The following PDCD5 variants were observed in gnomAD, a reference collection of about 807,000 sequenced individuals.
The protein encoded by PDCD5 is programmed cell death protein 5.
Under a neutral mutation model 21.9 loss-of-function variants are expected in PDCD5, and 23 were observed. That is an observed-to-expected ratio of 1.05 (90% CI 0.76 to 1.49). PDCD5 has a LOEUF of 1.49. Among genes scored for constraint, PDCD5 ranks in the 40% most tolerant of loss-of-function variants. The probability of loss-of-function intolerance (pLI) is 0.00; values close to 1 mark genes in which losing one functional copy is unlikely to be tolerated. For missense variants in PDCD5, 152 were observed against 147.7 expected, an observed-to-expected ratio of 1.03 and a Z score of -0.15; for synonymous variants, 45 against 49.4, an observed-to-expected ratio of 0.91 and a Z score of 0.37.
At chr19:32,581,445 C>G in intron 1 of PDCD5, 118 bp downstream of exon 1, 1 of 561,456 alleles carries the variant, frequency 1.8e-6, no homozygotes, top group Non-Finnish European at 2.7e-6. Context: ...CGGTCCCCTG[C>G]GCTGCCCTGG....
At chr19:32,581,376 TCGCCCGG>T in intron 1 of PDCD5, 49 bp downstream of exon 1, 1 of 1,343,706 alleles carries the variant, frequency 7.4e-7, no homozygotes, top group Non-Finnish European at 9.9e-7. Flanking sequence ...GGCGCCGCCC[TCGCCCGG>T]AGTGTAGGGC....
chr19:32,585,842 GA>G lies in PDCD5; in HGVS notation c.199del (p.Thr67LeufsTer4). ...RLSNLALVKP[E>X]KTKAVENYLI... ...AAGTAACTTAGCACTTGTAAAGCCTGAAAAAACTAAAGCAGTAGAGAATTAC... is the reference window on the plus strand; with the variant it reads ...AAGTAACTTAGCACTTGTAAAGCCTGAAAAACTAAAGCAGTAGAGAATTAC... On this transcript the variant is annotated frameshift_variant, in exon 4 of 6. Coordinates refer to ENST00000590247, the MANE Select transcript of PDCD5 (RefSeq NM_004708.4). LOFTEE classifies it high-confidence loss of function. 1 of 1,607,658 alleles carries G rather than the reference GA, an allele frequency of 6.2e-7. No individual in the cohort carries two copies. Among genetic ancestry groups the G allele is most frequent in the Non-Finnish European group, 8.5e-7 (1 of 1,174,280 alleles).
At chr19:32,585,420 G>A (rs1252189318) in intron 3 of PDCD5, among the ~76,000 whole-genome samples, 1 of 152,162 alleles carries the variant, frequency 6.6e-6, no homozygotes, top group Non-Finnish European at 1.5e-5. Context: ...GAAAAAATGA[G>A]ACAGTCAGAA....
Position 32,587,358 on chromosome 19 carries a change from T to A in PDCD5, c.*58T>A. The A allele has an allele frequency of 8.6e-7, 1 of 1,168,590 alleles. No individual in the cohort carries two copies. The highest frequency in any genetic ancestry group is 1.3e-6 in the Non-Finnish European group (1 of 793,662). 72.4% of individuals were successfully genotyped at this position (1,168,590 alleles called of 1,614,324 possible). ...AACAAGTCTAGGACAGAAGTTAAGA[T>A]CTGATTATTTACTTTGTTTATTGTC... On this transcript the variant is annotated 3_prime_UTR_variant, in exon 6 of 6. Transcript: ENST00000590247.
intron 4 of PDCD5, chr19:32,586,505 C>T: frequency 9.1e-7 from 1 of 1,099,802 alleles, no homozygotes; most frequent in South Asian, 3.1e-5. Context: ...GTTTAAGCTT[C>T]TCGGGCAGAA....
Position 32,584,895 on chromosome 19 carries a change from A to G in PDCD5, c.105-55A>G, listed in dbSNP as rs371185134. ...GGATGGGTTCTTTCTCGTATGTTAC[A>G]TGGGAATGCCGACAGCTGTGTTTTA... On this transcript the variant is annotated intron_variant, in intron 2 of 5. Coordinates refer to ENST00000590247, the MANE Select transcript of PDCD5 (RefSeq NM_004708.4). 1.4e-5 allele frequency: 20 copies of G among 1,414,482 alleles called. No homozygotes were observed. In the African/African-American group the frequency reaches 1.7e-4, roughly 12 times the overall value. The allele number at this position is 1,414,482 out of a possible 1,614,324, so 87.6% of individuals were successfully genotyped here. A position where few individuals can be genotyped will look rare whatever the true frequency, so the allele number is the denominator to read the frequency against.
chr19:32,586,745 C>T (rs1962784631), intron 4 of PDCD5, 113 bp from the exon 5 acceptor site: 1 of 1,425,552 alleles, frequency 7.0e-7, no homozygotes, highest in African/African-American at 1.5e-5. Flanking sequence ...CCACTGCTTC[C>T]TTCCTGAGCT....
chr19:32,586,304 G>T, intron 4 of PDCD5: 2 of 1,357,386 alleles, frequency 1.5e-6, no homozygotes, highest in Admixed American at 3.3e-5. Flanking sequence ...ATACCATGAG[G>T]GGTATGTTGT....
At chr19:32,583,276 A>G (rs1227113732) in intron 2 of PDCD5, among the ~76,000 whole-genome samples, 1 of 152,006 alleles carries the variant, frequency 6.6e-6, no homozygotes, top group Non-Finnish European at 1.5e-5. Context: ...CCCTTACTGC[A>G]TGGCATATTT....
At chr19:32,582,153 C>G in intron 1 of PDCD5, 42 bp from the exon 2 acceptor site, 3 of 1,485,944 alleles carry the variant, frequency 2.0e-6, no homozygotes, top group Non-Finnish European at 1.9e-6. Flanking sequence ...CCCGCCGCCT[C>G]CCGTGAAATT....
intron 2 of PDCD5, among the ~76,000 whole-genome samples, chr19:32,582,941 G>A (rs1450615270): frequency 6.6e-6 from 1 of 152,158 alleles, no homozygotes; most frequent in Non-Finnish European, 1.5e-5. Context: ...GAAGACAGAC[G>A]GTGAGAAGTA....
Position 32,586,341 on chromosome 19 carries a change from C to G in PDCD5, c.258+434C>G, listed in dbSNP as rs1045539326. 1.3e-5 allele frequency: 16 copies of G among 1,278,884 alleles called. No individual in the cohort carries two copies. The Admixed American group carries it at 4.4e-4, about 35-fold the overall frequency. The allele number at this position is 1,278,884 out of a possible 1,614,324, so 79.2% of individuals were successfully genotyped here. A position where few individuals can be genotyped will look rare whatever the true frequency, so the allele number is the denominator to read the frequency against. Reference sequence around the variant, plus strand: ...GCAAACCTGGCCTTTGAGATCAAGACGAACCCCACCTGCCCTGAGAAGCCG... The same window carrying G: ...GCAAACCTGGCCTTTGAGATCAAGAGGAACCCCACCTGCCCTGAGAAGCCG... On this transcript the variant is annotated intron_variant, in intron 4 of 5. Coordinates refer to ENST00000590247, the MANE Select transcript of PDCD5 (RefSeq NM_004708.4).
At chr19:32,582,022 A>C (rs1971431963) in intron 1 of PDCD5, among the ~76,000 whole-genome samples, 173 bp from the exon 2 acceptor site, 2 of 152,214 alleles carry the variant, frequency 1.3e-5, no homozygotes, top group Non-Finnish European at 2.9e-5. Flanking sequence ...ACGTTCATCA[A>C]AACGTTGTAA....
chr19:32,581,366 G>T (rs932186160), intron 1 of PDCD5, 39 bp downstream of exon 1: 1 of 1,406,320 alleles, frequency 7.1e-7, no homozygotes, highest in Non-Finnish European at 9.4e-7. Context: ...GCCCTCGCGG[G>T]GCGCCGCCCT....
At chr19:32,583,011 C>G (rs1971443642) in intron 2 of PDCD5, among the ~76,000 whole-genome samples, 2 of 152,212 alleles carry the variant, frequency 1.3e-5, no homozygotes, top group South Asian at 4.1e-4. Context: ...CCGTGTACAT[C>G]TTTTCATTGT....
chr19:32,581,253 C>G lies in PDCD5; in HGVS notation c.-9C>G. The G allele has an allele frequency of 1.3e-6, 2 of 1,506,976 alleles. No homozygotes were observed. The highest frequency in any genetic ancestry group is 2.2e-4 in the Middle Eastern group (1 of 4,602). The allele number at this position is 1,506,976 out of a possible 1,614,324, so 93.4% of individuals were successfully genotyped here. A position where few individuals can be genotyped will look rare whatever the true frequency, so the allele number is the denominator to read the frequency against. On this transcript the variant is annotated 5_prime_UTR_variant, in exon 1 of 6. Transcript: ENST00000590247. ...GTGACCGCGGCTGCTCCAGCGCTGACGCCGAGCCATGGCGGACGAGGAGCT... is the reference window on the plus strand; with the variant it reads ...GTGACCGCGGCTGCTCCAGCGCTGAGGCCGAGCCATGGCGGACGAGGAGCT...
intron 3 of PDCD5, 101 bp from the exon 4 acceptor site, chr19:32,585,715 G>C (rs1042423453): frequency 2.8e-6 from 2 of 722,874 alleles, no homozygotes; most frequent in African/African-American, 3.5e-5. Flanking sequence ...TGAGGGACAA[G>C]CTTGTGAAGT....
rs902962473 is a variant in PDCD5 at position 32,581,193 on chromosome 19, G to A, written c.-69G>A. The stretch of plus-strand genomic sequence containing the variant: ...TGGGCCCCGCGAGCGCCTGCGCAGT[G>A]GTCAAGGCCGCGCTCGCGCCGAGGG... On this transcript the variant is annotated 5_prime_UTR_variant, in exon 1 of 6. Transcript: ENST00000590247. The A allele has an allele frequency of 5.0e-6, 6 of 1,194,804 alleles. No homozygotes were observed. The highest frequency in any genetic ancestry group is 5.6e-6 in the Non-Finnish European group (5 of 886,230). The allele number at this position is 1,194,804 out of a possible 1,614,324, so 74.0% of individuals were successfully genotyped here. A position where few individuals can be genotyped will look rare whatever the true frequency, so the allele number is the denominator to read the frequency against.
At chr19:32,586,562 T>A in intron 4 of PDCD5, 1 of 1,140,706 alleles carries the variant, frequency 8.8e-7, no homozygotes, top group Non-Finnish European at 1.1e-6. Context: ...TATGTGGTTG[T>A]CACACTCAGC....
Sources: allele counts gnomAD v4.1 joint callset (sites outside exome capture counted in the v4.1 genomes callset), GRCh38; gene constraint gnomAD v4.1.1; transcripts MANE v1.5; gene names NCBI Gene and HGNC (gene_info 2026-07-23, HGNC 2026-07-21).